The following POLI variants were observed in gnomAD, a reference collection of about 807,000 sequenced individuals.
POLI encodes the protein DNA polymerase iota.
In POLI, 58 loss-of-function variants were observed where a neutral mutation model predicts 51.6. That is an observed-to-expected ratio of 1.12 (90% CI 0.91 to 1.40). The LOEUF is 1.40. Among genes scored for constraint, POLI ranks in the 40% most tolerant of loss-of-function variants. The pLI is 0.00. For synonymous variants in POLI, 322 were observed against 299.7 expected, an observed-to-expected ratio of 1.07 and a Z score of -0.77; for missense variants, 921 against 871.3, an observed-to-expected ratio of 1.06 and a Z score of -0.72.
intron 8 of POLI, among the ~76,000 whole-genome samples, chr18:54,289,538 G>C (rs2087899204): frequency 6.6e-6 from 1 of 151,960 alleles, no homozygotes; most frequent in East Asian, 1.9e-4. Context: ...TAAATAAAAA[G>C]AACAAAGCTG....
chr18:54,299,868 A>C (rs1161327811), downstream of POLI, among the ~76,000 whole-genome samples: 1 of 152,198 alleles, frequency 6.6e-6, no homozygotes, highest in Non-Finnish European at 1.5e-5. Flanking sequence ...CCATCCCTTG[A>C]AAAAGACATA....
intron 5 of POLI, 27 bp downstream of exon 5, chr18:54,280,930 A>T: frequency 8.7e-7 from 1 of 1,155,778 alleles, no homozygotes; most frequent in African/African-American, 1.6e-5. Context: ...TGAAAAGTAC[A>T]TATACGTCTT....
chr18:54,308,856 C>T (rs534456178), intron 3 of POLI, among the ~76,000 whole-genome samples: 17 of 152,268 alleles, frequency 1.1e-4, no homozygotes, highest in African/African-American at 4.1e-4. Context: ...GATACCCTTT[C>T]TTCCAGTTGA....
intron 3 of POLI, among the ~76,000 whole-genome samples, chr18:54,318,896 C>A (rs1195623310): frequency 6.6e-6 from 1 of 152,080 alleles, no homozygotes; most frequent in Non-Finnish European, 1.5e-5. Flanking sequence ...AGCTTCTTTG[C>A]TTTTTTACTA....
chr18:54,286,669 T>G (rs1453874483), intron 7 of POLI, among the ~76,000 whole-genome samples: 1 of 152,154 alleles, frequency 6.6e-6, no homozygotes, highest in South Asian at 2.1e-4. Flanking sequence ...TTTGGTTAGG[T>G]GTGTTGGCTT....
At chr18:54,273,418 T>G (rs1023995017) in intron 2 of POLI, among the ~76,000 whole-genome samples, 2 of 151,616 alleles carry the variant, frequency 1.3e-5, no homozygotes, top group Non-Finnish European at 2.9e-5. Flanking sequence ...CATGCCCTAT[T>G]ATATGGCAGT....
At position 54,296,329 on chromosome 18, in the gene POLI, T is replaced by C. The variant is rs530636861; in HGVS notation, c.*1862T>C. ...TCATAGATTGAGAATGTACGGGCTA[T>C]GTCACAGTTACGCTACTTATTTTGT... On this transcript the variant is annotated 3_prime_UTR_variant, in exon 10 of 10. Coordinates refer to ENST00000579534, the MANE Select transcript of POLI (RefSeq NM_007195.3). 677 of 985,292 alleles carry C rather than the reference T, an allele frequency of 6.9e-4. 1 individual carries two copies. Among genetic ancestry groups the C allele is most frequent in the Middle Eastern group, 1.6e-3 (3 of 1,912 alleles). The allele number at this position is 985,292 out of a possible 1,614,324, so 61.0% of individuals were successfully genotyped here.
At chr18:54,308,963 A>T (rs1054812246) in intron 3 of POLI, among the ~76,000 whole-genome samples, 2 of 152,066 alleles carry the variant, frequency 1.3e-5, no homozygotes, top group African/African-American at 4.8e-5. Context: ...TACACTGTTT[A>T]TTCTAGTTAG....
rs549603486 is a variant in POLI at position 54,294,377 on chromosome 18, A to G, written c.2133A>G (p.Gln711=). The change falls in exon 10 of 10, where the codon CAA becomes CAG. Residue 711 remains glutamine (Q), a synonymous_variant. Transcript: ENST00000579534. ...KITFPSDIDP[Q]VFYELPEAVQ... ...CTTTCCCTTCTGACATTGATCCTCAAGTTTTCTATGAACTACCAGAAGCAG... is the reference window on the plus strand; with the variant it reads ...CTTTCCCTTCTGACATTGATCCTCAGGTTTTCTATGAACTACCAGAAGCAG... The G allele has an allele frequency of 5.6e-5, 90 of 1,613,588 alleles. No homozygotes were observed. The highest frequency in any genetic ancestry group is 5.3e-4 in the Admixed American group (32 of 59,960).
Position 54,294,033 on chromosome 18 carries a change from G to C in POLI, c.1789G>C (p.Val597Leu). The change falls in exon 10 of 10, where the codon GTA (valine) becomes CTA (leucine). Residue 597 changes from valine (V) to leucine (L), a missense_variant. By Grantham distance (32) the Val-to-Leu change is conservative. Transcript: ENST00000579534. Reference sequence around the variant, plus strand: ...ATCCAGTAGCAAACAGGTATCCTCTGTATCTCCTTGTGAACCGGGAACATC... The same window carrying C: ...ATCCAGTAGCAAACAGGTATCCTCTCTATCTCCTTGTGAACCGGGAACATC... ...HLSSSKQVSSVSPCEPGTSGF... is the reference protein window; with the variant it reads ...HLSSSKQVSSLSPCEPGTSGF... 6.2e-7 allele frequency: 1 copy of C among 1,613,486 alleles called. No individual in the cohort carries two copies. Among genetic ancestry groups the C allele is most frequent in the Non-Finnish European group, 8.5e-7 (1 of 1,179,584 alleles).
chr18:54,294,322 G>C lies in POLI; in HGVS notation c.2078G>C (p.Arg693Thr), dbSNP rs771877024. ...TDSHEGLTEN[R>T]EPDSVDEKIT... ...TCTCATGAAGGACTTACAGAAAATAGAGAGCCAGATTCTGTTGATGAGAAA... is the reference window on the plus strand; with the variant it reads ...TCTCATGAAGGACTTACAGAAAATACAGAGCCAGATTCTGTTGATGAGAAA... Residue 693 changes from arginine (R) to threonine (T), a missense_variant, in exon 10 of 10, where the codon AGA becomes ACA. Arg to Thr is a moderately conservative substitution (Grantham distance 71, BLOSUM62 -1). Transcript: ENST00000579534. 6.2e-7 allele frequency: 1 copy of C among 1,613,094 alleles called. No individual in the cohort carries two copies. Among genetic ancestry groups the C allele is most frequent in the Non-Finnish European group, 8.5e-7 (1 of 1,179,364 alleles).
At chr18:54,270,594 T>C (rs2144420337) in intron 1 of POLI, 1 of 152,356 alleles carries the variant, frequency 6.6e-6, no homozygotes, top group African/African-American at 2.4e-5. Flanking sequence ...AACTACACGC[T>C]TTATTAATAT....
chr18:54,308,903 A>G (rs1599278671), intron 3 of POLI, among the ~76,000 whole-genome samples: 1 of 152,156 alleles, frequency 6.6e-6, no homozygotes, highest in Non-Finnish European at 1.5e-5. Context: ...TGCATCACGT[A>G]GTTCTTGTGC....
chr18:54,301,673 G>C (rs966009300), downstream of POLI, among the ~76,000 whole-genome samples: 8 of 152,112 alleles, frequency 5.3e-5, no homozygotes, highest in African/African-American at 1.4e-4. Flanking sequence ...CTGAACTCTA[G>C]CTGTTCGTGC....
rs2088275816 is a variant in POLI, at chr18:54,295,468, A to G, written c.*1001A>G. The stretch of plus-strand genomic sequence containing the variant: ...AAGACATAGAGGATGTTTATAGAAT[A>G]TACTAAAGTATCCCTCAGCACCAAT... On this transcript the variant is annotated 3_prime_UTR_variant, in exon 10 of 10. Transcript: ENST00000579534. 1 of 963,174 alleles carries G rather than the reference A, an allele frequency of 1.0e-6. No individual in the cohort carries two copies. Among genetic ancestry groups the G allele is most frequent in the Non-Finnish European group, 1.2e-6 (1 of 809,694 alleles). 59.7% of individuals were successfully genotyped at this position (963,174 alleles called of 1,614,324 possible).
At position 54,274,096 on chromosome 18, in the gene POLI, A is replaced by C; in HGVS notation, c.406+6A>C. 1 of 1,356,792 alleles carries C rather than the reference A, an allele frequency of 7.4e-7. No individual in the cohort carries two copies. Among genetic ancestry groups the C allele is most frequent in the Non-Finnish European group, 9.7e-7 (1 of 1,036,170 alleles). The allele number at this position is 1,356,792 out of a possible 1,614,324, so 84.0% of individuals were successfully genotyped here. ...AATGTCTTATAAGGTTACAGGTACAAATGATAAGCAATGTACTTTTAGCAT... is the reference window on the plus strand; with the variant it reads ...AATGTCTTATAAGGTTACAGGTACACATGATAAGCAATGTACTTTTAGCAT... On this transcript the variant is annotated splice_donor_region_variant and intron_variant, in intron 3 of 9. Transcript: ENST00000579534.
intron 3 of POLI, among the ~76,000 whole-genome samples, chr18:54,275,900 T>C (rs932759155): frequency 1.3e-5 from 2 of 152,204 alleles, no homozygotes; most frequent in African/African-American, 4.8e-5. Context: ...AGTCCTTTAC[T>C]GTATTTATCT....
intron 8 of POLI, 177 bp downstream of exon 8, chr18:54,287,588 AT>A: frequency 2.0e-6 from 1 of 496,610 alleles, no homozygotes; most frequent in Admixed American, 3.3e-5. Flanking sequence ...TTATTTATTT[AT>A]TTATTTTTTG....
At chr18:54,282,365 C>T (rs1264912082) in intron 5 of POLI, among the ~76,000 whole-genome samples, 9 of 152,220 alleles carry the variant, frequency 5.9e-5, no homozygotes, top group Non-Finnish European at 4.4e-5. Context: ...AGTGGAAGAA[C>T]AGCAACCTAG....
Sources: allele counts gnomAD v4.1 joint callset (sites outside exome capture counted in the v4.1 genomes callset), GRCh38; gene constraint gnomAD v4.1.1; transcripts MANE v1.5; gene names NCBI Gene and HGNC (gene_info 2026-07-23, HGNC 2026-07-21).